The following HS3ST3B1 variants were observed in gnomAD, a reference collection of about 807,000 sequenced individuals.
HS3ST3B1 encodes the protein heparan sulfate-glucosamine 3-sulfotransferase 3B1.
Under a neutral mutation model 21.3 loss-of-function variants are expected in HS3ST3B1, and 13 were observed. That is an observed-to-expected ratio of 0.61 (90% confidence interval 0.40 to 0.97). The LOEUF (loss-of-function observed/expected upper bound fraction) is 0.97, where lower values mean the gene tolerates loss of function less well. Ranked by LOEUF, HS3ST3B1 falls within the 50% of genes least tolerant of loss-of-function variation. The pLI is 0.00. For missense variants in HS3ST3B1, 459 were observed against 554.8 expected (o/e 0.83, Z 1.73); for synonymous variants, 234 against 254.8 (o/e 0.92, Z 0.78).
At chr17:14,326,960 A>C (rs968888145) in intron 1 of HS3ST3B1, among the ~76,000 whole-genome samples, 1 of 150,880 alleles carries the variant, frequency 6.6e-6, no homozygotes, top group Non-Finnish European at 1.5e-5. Flanking sequence ...GAAGAAGAAG[A>C]AGCTTCAGTT....
intron 1 of HS3ST3B1, among the ~76,000 whole-genome samples, chr17:14,336,947 T>C (rs740376): frequency 0.32 from 47,962 of 151,948 alleles, 7,970 homozygotes; most frequent in African/African-American, 0.37. Context: ...TTCTTGCTGG[T>C]GGGGACTCTG....
intron 1 of HS3ST3B1, among the ~76,000 whole-genome samples, chr17:14,323,583 T>C (rs935363055): frequency 4.6e-5 from 7 of 152,072 alleles, no homozygotes; most frequent in Non-Finnish European, 1.0e-4. Context: ...TGTGCTTTTT[T>C]TTTTGTCTCA....
At chr17:14,312,293 C>G (rs1383348042) in intron 1 of HS3ST3B1, among the ~76,000 whole-genome samples, 1 of 152,064 alleles carries the variant, frequency 6.6e-6, no homozygotes, top group Non-Finnish European at 1.5e-5. Flanking sequence ...CCTCTTGGAC[C>G]TAAGGAAGAA....
At chr17:14,327,409 G>C (rs1436738024) in intron 1 of HS3ST3B1, 1 of 152,162 alleles carries the variant, frequency 6.6e-6, no homozygotes, top group Non-Finnish European at 1.5e-5. Flanking sequence ...GGGGAGATGG[G>C]CTCAGAGTTT....
chr17:14,301,966 A>T lies in HS3ST3B1; in HGVS notation c.448A>T (p.Thr150Ser), dbSNP rs1180400829. 1 of 1,609,006 alleles carries T rather than the reference A, an allele frequency of 6.2e-7. No individual in the cohort carries two copies. The highest frequency in any genetic ancestry group is 1.1e-5 in the South Asian group (1 of 90,184). Residue 150 changes from threonine (T) to serine (S), a missense_variant, in exon 1 of 2, where the codon ACG becomes TCG. This residue lies in a region of HS3ST3B1 where 317 missense variants were observed against 278.6 expected (regional missense o/e 1.14). Transcript: ENST00000360954. ...AIIIGVKKGGTRALLEFLRVH... is the reference protein window; with the variant it reads ...AIIIGVKKGGSRALLEFLRVH... Reference sequence around the variant, plus strand: ...CATCATCGGCGTGAAGAAGGGCGGCACGCGGGCGCTGCTGGAGTTTCTGCG... The same window carrying T: ...CATCATCGGCGTGAAGAAGGGCGGCTCGCGGGCGCTGCTGGAGTTTCTGCG...
chr17:14,345,024 T>C lies in HS3ST3B1; in HGVS notation c.555-4T>C, dbSNP rs760846036. Reference sequence around the variant, plus strand: ...ATCCCGGTTTGTTTGCTTGCGTTTCTCAGGGACCTGATGCCCAGAACCCTG... The same window carrying C: ...ATCCCGGTTTGTTTGCTTGCGTTTCCCAGGGACCTGATGCCCAGAACCCTG... On this transcript the variant is annotated splice_region_variant and splice_polypyrimidine_tract_variant and intron_variant, in intron 1 of 1. Coordinates refer to ENST00000360954, the MANE Select transcript of HS3ST3B1 (RefSeq NM_006041.3). 6.2e-7 allele frequency: 1 copy of C among 1,605,104 alleles called. No homozygotes were observed. Among genetic ancestry groups the C allele is most frequent in the Non-Finnish European group, 8.5e-7 (1 of 1,174,014 alleles).
intron 1 of HS3ST3B1, among the ~76,000 whole-genome samples, chr17:14,336,569 G>A (rs1054384194): frequency 6.6e-6 from 1 of 152,118 alleles, no homozygotes; most frequent in African/African-American, 2.4e-5. Flanking sequence ...CAAAGCCCTG[G>A]GACCGCCATT....
chr17:14,302,818 G>A (rs188126680), intron 1 of HS3ST3B1, among the ~76,000 whole-genome samples: 1 of 152,224 alleles, frequency 6.6e-6, no homozygotes, highest in African/African-American at 2.4e-5. Context: ...ACCGCCGCCC[G>A]TTTCCGCCTC....
intron 1 of HS3ST3B1, among the ~76,000 whole-genome samples, chr17:14,312,828 CCAG>C (rs1395334733): frequency 1.3e-5 from 2 of 151,964 alleles, no homozygotes; most frequent in Admixed American, 6.6e-5. Context: ...GCTGTATTGT[CCAG>C]CACCATGAGG....
chr17:14,326,557 T>C (rs1271851806), intron 1 of HS3ST3B1, among the ~76,000 whole-genome samples: 2 of 152,178 alleles, frequency 1.3e-5, no homozygotes, highest in African/African-American at 4.8e-5. Context: ...GGCTGTCTCA[T>C]TGAGTAGGCT....
At chr17:14,323,772 AGG>A (rs1281157374) in intron 1 of HS3ST3B1, among the ~76,000 whole-genome samples, 1 of 152,146 alleles carries the variant, frequency 6.6e-6, no homozygotes, top group Non-Finnish European at 1.5e-5. Flanking sequence ...TAGCAAACCC[AGG>A]AAAACATTGT....
intron 1 of HS3ST3B1, among the ~76,000 whole-genome samples, chr17:14,340,359 A>G (rs1228029283): frequency 6.6e-6 from 1 of 152,042 alleles, no homozygotes; most frequent in African/African-American, 2.4e-5. Flanking sequence ...CGGTTTAGCC[A>G]GAATTCCCCT....
chr17:14,301,876 G>T lies in HS3ST3B1; in HGVS notation c.358G>T (p.Asp120Tyr). The change falls in exon 1 of 2, where the codon GAC becomes TAC. Residue 120 changes from aspartate (D) to tyrosine (Y), a missense_variant. This residue lies in a region of HS3ST3B1 where 317 missense variants were observed against 278.6 expected (regional missense o/e 1.14). Coordinates refer to ENST00000360954, the MANE Select transcript of HS3ST3B1 (RefSeq NM_006041.3). ...GGAGGAGCAGAGTCCCGAGGTGCCG[G>T]ACTCCCCAAGCCCCATCTCCAGCTT... ...SPEEQSPEVP[D>Y]SPSPISSFFS... 1 of 1,604,850 alleles carries T rather than the reference G, an allele frequency of 6.2e-7. No homozygotes were observed. Among genetic ancestry groups the T allele is most frequent in the South Asian group, 1.1e-5 (1 of 89,262 alleles).
chr17:14,322,376 G>A (rs969569879), intron 1 of HS3ST3B1, among the ~76,000 whole-genome samples: 45 of 152,202 alleles, frequency 3.0e-4, no homozygotes, highest in African/African-American at 9.9e-4. Flanking sequence ...ATTACATTGA[G>A]CCAGTGAGAT....
At chr17:14,344,066 G>GT (rs1171014593) in intron 1 of HS3ST3B1, among the ~76,000 whole-genome samples, 1 of 151,796 alleles carries the variant, frequency 6.6e-6, no homozygotes, top group Non-Finnish European at 1.5e-5. Context: ...CCAGTTAATT[G>GT]TTTTTTAGCT....
At chr17:14,341,389 G>C (rs1010119137) in intron 1 of HS3ST3B1, among the ~76,000 whole-genome samples, 2 of 152,210 alleles carry the variant, frequency 1.3e-5, no homozygotes, top group African/African-American at 4.8e-5. Flanking sequence ...CTGTGCACAA[G>C]TCTTGCTTCC....
At chr17:14,344,969 G>T in intron 1 of HS3ST3B1, 59 bp from the exon 2 acceptor site, 1 of 1,572,410 alleles carries the variant, frequency 6.4e-7, no homozygotes, top group Non-Finnish European at 8.6e-7. Flanking sequence ...GTGACCTTAA[G>T]ACGTGTGGCC....
In HS3ST3B1 at chr17:14,348,835, T is replaced by G. The variant is rs1388975041; in HGVS notation, c.*3189T>G. 6.6e-6 allele frequency: 1 copy of G among 152,242 alleles called. No homozygotes were observed. The highest frequency in any genetic ancestry group is 1.5e-5 in the Non-Finnish European group (1 of 68,040). 9.4% of individuals were successfully genotyped at this position (152,242 alleles called of 1,614,324 possible). ...TTGCGGTGTTTGAACAGTAGTCTGT[T>G]AACTTAGTAGGTGGTACCTGGAAAG... is the stretch of plus-strand genomic sequence containing the variant. On this transcript the variant is annotated 3_prime_UTR_variant, in exon 2 of 2. Transcript: ENST00000360954.
rs1910556518 is a variant in HS3ST3B1, at chr17:14,345,933, T to G, written c.*287T>G. 4 of 351,816 alleles carry G rather than the reference T, an allele frequency of 1.1e-5. No individual in the cohort carries two copies. The highest frequency in any genetic ancestry group is 4.2e-5 in the African/African-American group (2 of 47,158). The allele number at this position is 351,816 out of a possible 1,614,324, so 21.8% of individuals were successfully genotyped here. On this transcript the variant is annotated 3_prime_UTR_variant, in exon 2 of 2. Coordinates refer to ENST00000360954, the MANE Select transcript of HS3ST3B1 (RefSeq NM_006041.3). ...AAACAAAGAAAAGCACAACTTGAGATTTTTGTTGTTACGGGTATTCAGCCT... is the reference window on the plus strand; with the variant it reads ...AAACAAAGAAAAGCACAACTTGAGAGTTTTGTTGTTACGGGTATTCAGCCT...
Sources: gnomAD v4.1 joint callset for allele counts (sites outside exome capture counted in the v4.1 genomes callset) on GRCh38, gnomAD v4.1.1 for gene constraint, gnomAD v4.1.1 regional missense constraint, MANE v1.5 for transcripts, NCBI Gene and HGNC (gene_info 2026-07-23, HGNC 2026-07-21) for gene names.